Variants in LRP1B observed in about 807,000 individuals in gnomAD.
LRP1B encodes low-density lipoprotein receptor-related protein 1B.
Under a neutral mutation model 556.6 loss-of-function variants are expected in LRP1B, and 217 were observed. The ratio of observed to expected loss-of-function variants is 0.39; its 90% CI spans 0.35 to 0.44. The LOEUF (loss-of-function observed/expected upper bound fraction) is 0.44, where lower values mean the gene tolerates loss of function less well. LRP1B is among the 20% of genes least tolerant of loss of function. The pLI, the probability that LRP1B is intolerant of heterozygous loss-of-function variation, is 1.00. For missense variants in LRP1B, 5,053 were observed against 5,620.8 expected (o/e 0.90, Z 3.23); for synonymous variants, 2,047 against 1,865.8 (o/e 1.10, Z -2.50).
intron 54 of LRP1B, 40 bp downstream of exon 54, chr2:140,502,923 A>T (rs1327504591): frequency 6.3e-7 from 1 of 1,597,088 alleles, no homozygotes; most frequent in Non-Finnish European, 8.6e-7. Flanking sequence ...TCCATTGAAA[A>T]CACTTTAGAG....
At chr2:141,372,547 A>G (rs72846096) in intron 3 of LRP1B, among the ~76,000 whole-genome samples, 14,275 of 151,526 alleles carry the variant, frequency 0.094, 835 homozygotes, top group Admixed American at 0.17. Context: ...ATTTTTTTTT[A>G]TTACTTATTC....
At chr2:142,035,661 CTT>C in intron 1 of LRP1B, among the ~76,000 whole-genome samples, 1 of 151,580 alleles carries the variant, frequency 6.6e-6, no homozygotes, top group East Asian at 1.9e-4. Flanking sequence ...TTAACAACAA[CTT>C]TTTTTCTGGA....
chr2:141,356,068 T>A (rs1201621426), intron 3 of LRP1B, among the ~76,000 whole-genome samples: 1 of 152,182 alleles, frequency 6.6e-6, no homozygotes, highest in Non-Finnish European at 1.5e-5. Context: ...ACCTGAGTAT[T>A]GCTCATTAGG....
intron 1 of LRP1B, among the ~76,000 whole-genome samples, chr2:142,004,270 G>C (rs1268525571): frequency 2.6e-5 from 4 of 152,038 alleles, no homozygotes. Context: ...ACAGATCTAT[G>C]ATTTTAATTC....
At chr2:140,621,775 T>G (rs1683465904) in intron 41 of LRP1B, among the ~76,000 whole-genome samples, 1 of 152,214 alleles carries the variant, frequency 6.6e-6, no homozygotes, top group Non-Finnish European at 1.5e-5. Flanking sequence ...ATCATTACAC[T>G]GCCAAACACC....
chr2:141,633,077 T>C (rs1401341195), intron 2 of LRP1B, among the ~76,000 whole-genome samples: 1 of 152,084 alleles, frequency 6.6e-6, no homozygotes, highest in Non-Finnish European at 1.5e-5. Flanking sequence ...ACCTGAATGG[T>C]ATTTTGGATA....
chr2:141,393,652 T>G (rs544728282), intron 3 of LRP1B, among the ~76,000 whole-genome samples: 1 of 152,174 alleles, frequency 6.6e-6, no homozygotes, highest in Non-Finnish European at 1.5e-5. Flanking sequence ...AGGCTTGGAC[T>G]GGGTCGGCTA....
intron 1 of LRP1B, among the ~76,000 whole-genome samples, chr2:141,958,074 C>G (rs1016068122): frequency 6.6e-6 from 1 of 152,018 alleles, no homozygotes. Context: ...AGGATTACTG[C>G]TCCTTCAGAG....
At chr2:140,320,515 C>A (rs1680054238) in intron 82 of LRP1B, among the ~76,000 whole-genome samples, 1 of 152,122 alleles carries the variant, frequency 6.6e-6, no homozygotes, top group Non-Finnish European at 1.5e-5. Flanking sequence ...AGGTAACAAA[C>A]CCTGCCATGA....
intron 2 of LRP1B, among the ~76,000 whole-genome samples, chr2:141,621,747 T>C (rs1231884511): frequency 6.6e-6 from 1 of 152,112 alleles, no homozygotes; most frequent in Non-Finnish European, 1.5e-5. Context: ...CAATTTTGAG[T>C]TTTTGGGTTT....
At chr2:141,622,189 C>T (rs1039898028) in intron 2 of LRP1B, among the ~76,000 whole-genome samples, 10 of 152,110 alleles carry the variant, frequency 6.6e-5, no homozygotes, top group African/African-American at 2.4e-4. Flanking sequence ...CCGCGCCTGG[C>T]TCATTACTCT....
intron 7 of LRP1B, among the ~76,000 whole-genome samples, chr2:141,064,651 C>T (rs924685444): frequency 6.6e-6 from 1 of 151,868 alleles, no homozygotes; most frequent in Non-Finnish European, 1.5e-5. Context: ...CATAAAGTTG[C>T]AGCTATTGAG....
chr2:140,352,614 G>T (rs1682022908), intron 76 of LRP1B, among the ~76,000 whole-genome samples: 2 of 151,736 alleles, frequency 1.3e-5, no homozygotes, highest in South Asian at 4.2e-4. Flanking sequence ...TTTATCCCTG[G>T]GGTATAATTT....
intron 3 of LRP1B, among the ~76,000 whole-genome samples, chr2:141,419,303 CAT>C (rs1680055590): frequency 6.6e-6 from 1 of 152,062 alleles, no homozygotes; most frequent in Non-Finnish European, 1.5e-5. Context: ...ATGCTGGCCT[CAT>C]AAAATGAGTT....
At chr2:141,924,140 C>T (rs1362929670) in intron 1 of LRP1B, among the ~76,000 whole-genome samples, 1 of 151,750 alleles carries the variant, frequency 6.6e-6, no homozygotes, top group Non-Finnish European at 1.5e-5. Context: ...TATCCCGTAC[C>T]CATATAACCT....
intron 37 of LRP1B, among the ~76,000 whole-genome samples, chr2:140,708,788 C>T (rs543667245): frequency 5.3e-4 from 80 of 151,788 alleles, no homozygotes; most frequent in Non-Finnish European, 9.1e-4. Context: ...CATCTAGCTG[C>T]CCAGAGCCTA....
intron 2 of LRP1B, among the ~76,000 whole-genome samples, chr2:141,669,228 A>G (rs939378381): frequency 1.3e-5 from 2 of 152,140 alleles, no homozygotes; most frequent in African/African-American, 2.4e-5. Flanking sequence ...ACTGGTGTCT[A>G]TAAAAGAGAT....
chr2:141,053,816 A>ATG (rs768559125), intron 10 of LRP1B, among the ~76,000 whole-genome samples: 1 of 98,166 alleles, frequency 1.0e-5, no homozygotes, highest in South Asian at 4.3e-4. Flanking sequence ...GCACATATGC[A>ATG]TGTGTGTATA....
intron 59 of LRP1B, among the ~76,000 whole-genome samples, chr2:140,476,302 A>C (rs2105349538): frequency 6.9e-6 from 1 of 145,374 alleles, no homozygotes; most frequent in Middle Eastern, 3.5e-3. Flanking sequence ...CTGTTAACAC[A>C]AGTAGATTTT....
Sources: allele counts gnomAD v4.1 joint callset (sites outside exome capture counted in the v4.1 genomes callset), GRCh38; gene constraint gnomAD v4.1.1; transcripts MANE v1.5; gene names NCBI Gene and HGNC (gene_info 2026-07-23, HGNC 2026-07-21).